Variants in NKAIN2 observed in about 807,000 individuals in gnomAD.
NKAIN2 encodes sodium/potassium transporting ATPase interacting 2.
In NKAIN2, 14 loss-of-function variants were observed where a neutral mutation model predicts 32.6. That is an observed-to-expected ratio of 0.43 (90% CI 0.28 to 0.67). The LOEUF is 0.67. Ranked by LOEUF, NKAIN2 falls within the 30% of genes least tolerant of loss-of-function variation. The pLI, the probability that NKAIN2 is intolerant of heterozygous loss-of-function variation, is 0.17. For synonymous variants in NKAIN2, 80 were observed against 87.2 expected (o/e 0.92, Z 0.46); for missense variants, 198 against 258.3 (o/e 0.77, Z 1.60).
chr6:124,417,451 A>G (rs2114521523), intron 3 of NKAIN2, among the ~76,000 whole-genome samples: 1 of 152,106 alleles, frequency 6.6e-6, no homozygotes, highest in South Asian at 2.1e-4. Context: ...TAATATGTAA[A>G]AAATATTTAC....
intron 1 of NKAIN2, among the ~76,000 whole-genome samples, chr6:123,852,283 CT>C (rs35780180): frequency 5.9e-5 from 9 of 151,268 alleles, no homozygotes; most frequent in African/African-American, 2.2e-4. Flanking sequence ...TCACAAACTT[CT>C]TTTTTTTTGT....
At chr6:124,663,991 G>A (rs1266580047) in intron 4 of NKAIN2, among the ~76,000 whole-genome samples, 1 of 152,060 alleles carries the variant, frequency 6.6e-6, no homozygotes, top group South Asian at 2.1e-4. Flanking sequence ...TCTCATTCTA[G>A]TGCTAATGCT....
At chr6:123,844,191 C>T (rs1343635928) in intron 1 of NKAIN2, among the ~76,000 whole-genome samples, 2 of 152,148 alleles carry the variant, frequency 1.3e-5, no homozygotes, top group Non-Finnish European at 2.9e-5. Flanking sequence ...GTGTCATTCT[C>T]TGAACCCCAA....
intron 1 of NKAIN2, among the ~76,000 whole-genome samples, chr6:124,064,248 A>G (rs1018926825): frequency 2.0e-5 from 3 of 152,134 alleles, no homozygotes; most frequent in Non-Finnish European, 4.4e-5. Flanking sequence ...CATTATTTAC[A>G]TATGATTACA....
intron 2 of NKAIN2, among the ~76,000 whole-genome samples, chr6:124,322,369 C>T (rs777612661): frequency 1.3e-5 from 2 of 152,072 alleles, no homozygotes; most frequent in African/African-American, 2.4e-5. Context: ...ACCCTTCACC[C>T]AGTTTTCCCT....
intron 1 of NKAIN2, among the ~76,000 whole-genome samples, chr6:124,139,386 C>T (rs1039883963): frequency 2.0e-5 from 3 of 151,760 alleles, no homozygotes; most frequent in Admixed American, 1.3e-4. Flanking sequence ...CCGCGCCCGG[C>T]CTAAATAAAA....
chr6:124,601,819 C>A (rs1013821570), intron 3 of NKAIN2, among the ~76,000 whole-genome samples: 2 of 151,992 alleles, frequency 1.3e-5, no homozygotes, highest in African/African-American at 2.4e-5. Context: ...GCTTCTTAAG[C>A]AAATGAGTGA....
intron 3 of NKAIN2, among the ~76,000 whole-genome samples, chr6:124,560,970 C>T (rs1256925975): frequency 6.6e-6 from 1 of 152,102 alleles, no homozygotes; most frequent in Admixed American, 6.5e-5. Flanking sequence ...TCTAGTGAAG[C>T]CCAGCAATCT....
At chr6:124,230,501 C>T (rs1482969548) in intron 1 of NKAIN2, among the ~76,000 whole-genome samples, 1 of 152,138 alleles carries the variant, frequency 6.6e-6, no homozygotes, top group Non-Finnish European at 1.5e-5. Context: ...TAGGGCGTGT[C>T]AGAGCCTTTT....
At chr6:124,395,087 G>A (rs1020004651) in intron 3 of NKAIN2, among the ~76,000 whole-genome samples, 4 of 152,036 alleles carry the variant, frequency 2.6e-5, no homozygotes, top group African/African-American at 9.7e-5. Flanking sequence ...TACCTCCTCT[G>A]TATATAATTA....
chr6:124,339,443 T>A (rs73571174), intron 2 of NKAIN2, among the ~76,000 whole-genome samples: 2,407 of 152,292 alleles, frequency 0.016, 77 homozygotes, highest in African/African-American at 0.056. Flanking sequence ...CAGAGAGACT[T>A]CAGAGTCTCT....
chr6:124,808,087 C>T (rs1386418617), intron 5 of NKAIN2, among the ~76,000 whole-genome samples: 1 of 151,810 alleles, frequency 6.6e-6, no homozygotes, highest in Non-Finnish European at 1.5e-5. Context: ...CCTTCTGAAA[C>T]TATTCCAATC....
intron 4 of NKAIN2, among the ~76,000 whole-genome samples, chr6:124,725,708 A>C (rs2114643813): frequency 6.6e-6 from 1 of 152,330 alleles, no homozygotes; most frequent in South Asian, 2.1e-4. Flanking sequence ...AGAGGAGCCA[A>C]GATGGCCGAA....
At chr6:124,691,992 A>G (rs1774279641) in intron 4 of NKAIN2, among the ~76,000 whole-genome samples, 1 of 152,210 alleles carries the variant, frequency 6.6e-6, no homozygotes, top group Admixed American at 6.5e-5. Flanking sequence ...GTGCATTGTT[A>G]TATTTTGTTA....
intron 3 of NKAIN2, among the ~76,000 whole-genome samples, chr6:124,462,744 A>G (rs1402989345): frequency 6.6e-6 from 1 of 152,032 alleles, no homozygotes; most frequent in Non-Finnish European, 1.5e-5. Flanking sequence ...TCCATTCACA[A>G]AACAATTCCT....
intron 3 of NKAIN2, among the ~76,000 whole-genome samples, chr6:124,543,693 A>G (rs1779989577): frequency 6.6e-6 from 1 of 152,168 alleles, no homozygotes; most frequent in African/African-American, 2.4e-5. Context: ...TGGATAAGAG[A>G]ATATGATTGT....
chr6:124,221,276 AATC>A (rs981362881), intron 1 of NKAIN2, among the ~76,000 whole-genome samples: 8 of 151,950 alleles, frequency 5.3e-5, no homozygotes, highest in African/African-American at 1.9e-4. Flanking sequence ...TGAAATTGGA[AATC>A]ATCATTCTCA....
At chr6:124,182,392 G>C in intron 1 of NKAIN2, among the ~76,000 whole-genome samples, 1 of 152,232 alleles carries the variant, frequency 6.6e-6, no homozygotes, top group East Asian at 1.9e-4. Flanking sequence ...AAGTCATTAT[G>C]AGTTACTTGG....
chr6:124,528,851 G>T (rs562778925), intron 3 of NKAIN2, among the ~76,000 whole-genome samples: 5 of 152,156 alleles, frequency 3.3e-5, no homozygotes, highest in African/African-American at 1.2e-4. Flanking sequence ...AAGCAATTAA[G>T]AGATGCCATA....
Sources: allele counts gnomAD v4.1 joint callset (sites outside exome capture counted in the v4.1 genomes callset), GRCh38; gene constraint gnomAD v4.1.1; transcripts MANE v1.5; gene names NCBI Gene and HGNC (gene_info 2026-07-23, HGNC 2026-07-21).